Variants in PRKAA1 observed in about 807,000 individuals in gnomAD.
The protein encoded by PRKAA1 is 5'-AMP-activated protein kinase catalytic subunit alpha-1.
In PRKAA1, 23 loss-of-function variants were observed where a neutral mutation model predicts 56.9. The observed-to-expected ratio is 0.40, with a 90% CI of 0.29 to 0.57. The LOEUF is 0.57. Ranked by LOEUF, PRKAA1 falls within the 20% of genes least tolerant of loss-of-function variation. PRKAA1 has a pLI of 0.39. For missense variants in PRKAA1, 413 were observed against 679.7 expected, an observed-to-expected ratio of 0.61 and a Z score of 4.36; for synonymous variants, 226 against 227.0, an observed-to-expected ratio of 1.00 and a Z score of 0.04.
chr5:40,785,863 G>GAA (rs1328325699), intron 1 of PRKAA1, among the ~76,000 whole-genome samples: 1 of 150,244 alleles, frequency 6.7e-6, no homozygotes, highest in Non-Finnish European at 1.5e-5. Flanking sequence ...GAGAGAGAGA[G>GAA]AGAGAGAGAG....
Position 40,764,649 on chromosome 5 carries a change from T to C in PRKAA1, c.1309-9A>G. On this transcript the variant is annotated splice_polypyrimidine_tract_variant and intron_variant, in intron 7 of 8. Transcript: ENST00000397128. ...TAATATGGGTTTACAACCTAGCACA[T>C]GGTATAACAAAAACCAAGTCAAAAG... is the stretch of plus-strand genomic sequence containing the variant. 6.2e-7 allele frequency: 1 copy of C among 1,612,146 alleles called. No individual in the cohort carries two copies. The highest frequency in any genetic ancestry group is 8.5e-7 in the Non-Finnish European group (1 of 1,179,036).
intron 1 of PRKAA1, among the ~76,000 whole-genome samples, chr5:40,797,091 T>C (rs1347896364): frequency 6.6e-6 from 1 of 152,202 alleles, no homozygotes; most frequent in Admixed American, 6.5e-5. Flanking sequence ...GTCCACACTT[T>C]TCTTTTAATT....
chr5:40,786,474 A>AT (rs1270449759), intron 1 of PRKAA1, among the ~76,000 whole-genome samples: 2 of 151,904 alleles, frequency 1.3e-5, no homozygotes, highest in Non-Finnish European at 2.9e-5. Flanking sequence ...TGAAAAGTGG[A>AT]TTTTCTAAAG....
chr5:40,789,438 A>T (rs1300905020), intron 1 of PRKAA1, among the ~76,000 whole-genome samples: 3 of 152,196 alleles, frequency 2.0e-5, no homozygotes, highest in African/African-American at 7.2e-5. Context: ...CCATTTTGTA[A>T]AACAGTGTAG....
At chr5:40,791,326 C>T (rs952575320) in intron 1 of PRKAA1, among the ~76,000 whole-genome samples, 1 of 152,140 alleles carries the variant, frequency 6.6e-6, no homozygotes, top group Non-Finnish European at 1.5e-5. Context: ...TTAAATGAAA[C>T]GGAAGACAGA....
intron 4 of PRKAA1, among the ~76,000 whole-genome samples, chr5:40,770,617 G>A (rs1201499643): frequency 2.9e-5 from 1 of 34,918 alleles, no homozygotes; most frequent in Non-Finnish European, 6.4e-5. Flanking sequence ...TTTTTTTTTT[G>A]AGACCGTGTC....
intron 1 of PRKAA1, among the ~76,000 whole-genome samples, chr5:40,784,626 T>G (rs1221358770): frequency 1.3e-5 from 2 of 152,200 alleles, no homozygotes; most frequent in Non-Finnish European, 2.9e-5. Flanking sequence ...AAACAATTTT[T>G]TACAACATAA....
At chr5:40,774,738 A>C (rs1299656481) in intron 3 of PRKAA1, among the ~76,000 whole-genome samples, 2 of 152,172 alleles carry the variant, frequency 1.3e-5, no homozygotes, top group Non-Finnish European at 1.5e-5. Context: ...TAAAATTGAG[A>C]GAAAAGCTCT....
rs1490243968 is a variant in PRKAA1 at position 40,762,217 on chromosome 5, A to G, written c.*561T>C. On this transcript the variant is annotated 3_prime_UTR_variant, in exon 9 of 9. Transcript: ENST00000397128. ...AACCCGGGAGGTGGAGGTTGCAGTG[A>G]GCCGAGACCACACCATTGCACTCCA... is the stretch of plus-strand genomic sequence containing the variant. 1.3e-5 allele frequency: 2 copies of G among 152,890 alleles called. No homozygotes were observed. The highest frequency in any genetic ancestry group is 2.9e-5 in the Non-Finnish European group (2 of 68,584). 9.5% of individuals were successfully genotyped at this position (152,890 alleles called of 1,614,324 possible).
chr5:40,766,657 C>T (rs1202406860), intron 6 of PRKAA1, among the ~76,000 whole-genome samples: 1 of 152,006 alleles, frequency 6.6e-6, no homozygotes, highest in Non-Finnish European at 1.5e-5. Context: ...TACAATAATT[C>T]ATGAGATAAG....
intron 6 of PRKAA1, among the ~76,000 whole-genome samples, chr5:40,766,111 T>C (rs943264211): frequency 1.3e-5 from 2 of 152,206 alleles, no homozygotes; most frequent in African/African-American, 4.8e-5. Flanking sequence ...AAAACATTTC[T>C]TACCTAGATA....
At chr5:40,771,942 A>G in intron 3 of PRKAA1, 79 bp from the exon 4 acceptor site, 3 of 1,494,312 alleles carry the variant, frequency 2.0e-6, no homozygotes, top group Non-Finnish European at 2.7e-6. Context: ...CAACCTATAA[A>G]ATTGTCAAAA....
intron 5 of PRKAA1, 139 bp from the exon 6 acceptor site, chr5:40,767,829 G>A (rs767419216): frequency 1.3e-4 from 89 of 700,444 alleles, no homozygotes; most frequent in Non-Finnish European, 1.8e-4. Flanking sequence ...ATGTTACAAC[G>A]TTAATTCCAT....
chr5:40,785,837 CACAGAGAGAGAGAGAGAG>C (rs1192492632), intron 1 of PRKAA1, among the ~76,000 whole-genome samples: 642 of 52,448 alleles, frequency 0.012, 5 homozygotes, highest in African/African-American at 0.034. Context: ...CACACACACA[CACAGAGAGAGAGAGAGAG>C]AGAGAGAGAG....
chr5:40,783,150 C>T (rs777270221), intron 1 of PRKAA1, among the ~76,000 whole-genome samples: 4 of 151,872 alleles, frequency 2.6e-5, no homozygotes, highest in Non-Finnish European at 5.9e-5. Flanking sequence ...TGTAGTTTTC[C>T]TTCTAAGAAT....
chr5:40,792,792 G>A (rs1245387044), intron 1 of PRKAA1, among the ~76,000 whole-genome samples: 2 of 152,096 alleles, frequency 1.3e-5, no homozygotes, highest in African/African-American at 4.8e-5. Flanking sequence ...GCCAAGCATG[G>A]TGGCTCATGC....
intron 2 of PRKAA1, chr5:40,777,038 G>GT (rs1261940021): frequency 6.5e-6 from 1 of 154,856 alleles, no homozygotes; most frequent in East Asian, 1.9e-4. Context: ...TTGGGACAGA[G>GT]TTTCGCTTTT....
At chr5:40,771,946 G>T (rs1743767644) in intron 3 of PRKAA1, 83 bp from the exon 4 acceptor site, 1 of 1,484,152 alleles carries the variant, frequency 6.7e-7, no homozygotes, top group African/African-American at 1.4e-5. Context: ...CTATAAAATT[G>T]TCAAAATACA....
intron 1 of PRKAA1, among the ~76,000 whole-genome samples, chr5:40,789,071 C>T (rs891176800): frequency 4.6e-5 from 7 of 151,618 alleles, no homozygotes; most frequent in Non-Finnish European, 2.9e-5. Flanking sequence ...ATTAGCCAGG[C>T]GTGGTGGTGT....
Sources: gnomAD v4.1 joint callset for allele counts (sites outside exome capture counted in the v4.1 genomes callset) on GRCh38, gnomAD v4.1.1 for gene constraint, MANE v1.5 for transcripts, NCBI Gene and HGNC (gene_info 2026-07-23, HGNC 2026-07-21) for gene names.